Variants in KCNQ1 observed in about 807,000 individuals in gnomAD.
KCNQ1 encodes potassium voltage-gated channel subfamily Q member 1.
KCNQ1 carries 49 observed loss-of-function variants against 72.4 expected under a neutral mutation model. The observed-to-expected ratio is 0.68, with a 90% CI of 0.54 to 0.86. KCNQ1 has a LOEUF of 0.86. Among genes scored for constraint, KCNQ1 ranks in the 40% least tolerant of loss-of-function variants. The pLI, the probability that KCNQ1 is intolerant of heterozygous loss-of-function variation, is 0.00. For missense variants in KCNQ1, 790 were observed against 945.1 expected (o/e 0.84, Z 2.15); for synonymous variants, 450 against 412.6 (o/e 1.09, Z -1.10).
chr11:2,701,011 G>A (rs527292963), intron 11 of KCNQ1, among the ~76,000 whole-genome samples: 7 of 152,354 alleles, frequency 4.6e-5, no homozygotes, highest in South Asian at 2.1e-4. Context: ...TGGAATGCAG[G>A]ACTCTGGGTA....
rs1188319126 is a variant in KCNQ1 at position 2,493,233 on chromosome 11, T to G, written c.387-34695T>G. ...TTTTTTCTTGTAAATTTAAGTTCCT[T>G]GTAGATTTTGGATATTAGACCTTGT... On this transcript the variant is annotated intron_variant, in intron 1 of 15. Transcript: ENST00000155840. The surrounding 1 kb of genome is among the most constrained non-coding windows in gnomAD (Gnocchi z 5.3). Among the ~76,000 whole-genome samples, 5 of 152,228 alleles carry G rather than the reference T, an allele frequency of 3.3e-5. No homozygotes were observed. Among genetic ancestry groups the G allele is most frequent in the Non-Finnish European group, 7.3e-5 (5 of 68,044 alleles).
chr11:2,566,798 C>T lies in KCNQ1; in HGVS notation c.478-3830C>T, dbSNP rs1457584032. 5.3e-5 allele frequency among the ~76,000 whole-genome samples: 8 copies of T among 152,112 alleles called. No homozygotes were observed. In the South Asian group the frequency reaches 1.2e-3, roughly 24 times the overall value. ...GGCACCACATAGATCTTGTGAGAGG[C>T]GCTTTGTGGGGCTGGATGATCCTGG... On this transcript the variant is annotated intron_variant, in intron 2 of 15. Coordinates refer to ENST00000155840, the MANE Select transcript of KCNQ1 (RefSeq NM_000218.3). The surrounding 1 kb of genome is among the most constrained non-coding windows in gnomAD (Gnocchi z 6.7).
At chr11:2,774,262 G>A (rs1846653342) in intron 12 of KCNQ1, among the ~76,000 whole-genome samples, 2 of 152,344 alleles carry the variant, frequency 1.3e-5, no homozygotes, top group South Asian at 4.1e-4. Context: ...TTACGGGCCA[G>A]AGGGTCTGCC....
In KCNQ1 at chr11:2,450,276, G is replaced by A. The variant is rs184108966; in HGVS notation, c.386+4792G>A. Among the ~76,000 whole-genome samples, 10 of 152,352 alleles carry A rather than the reference G, an allele frequency of 6.6e-5. No individual in the cohort carries two copies. In the East Asian group the frequency reaches 1.5e-3, roughly 23 times the overall value. On this transcript the variant is annotated intron_variant, in intron 1 of 15. Coordinates refer to ENST00000155840, the MANE Select transcript of KCNQ1 (RefSeq NM_000218.3). This position sits in a 1 kb window ranked among gnomAD's most constrained non-coding sequence, Gnocchi z 7.9. ...GCGGTGATGCCAGGAGAACATTCCA[G>A]GCCCAGGAAGAGCTGAGAGACAGCA...
At chr11:2,681,756 G>A (rs2133881581) in intron 11 of KCNQ1, 1 of 398,456 alleles carries the variant, frequency 2.5e-6, no homozygotes, top group African/African-American at 2.1e-5. Context: ...CCAGGGCACT[G>A]TGGGGGCCCT....
At chr11:2,582,015 G>A (rs1480580538) in intron 6 of KCNQ1, among the ~76,000 whole-genome samples, 1 of 152,226 alleles carries the variant, frequency 6.6e-6, no homozygotes, top group African/African-American at 2.4e-5. Context: ...GGGCACTAGT[G>A]GGGCAGGGGC....
chr11:2,471,573 TGTGTGCACGTGTGTATGGGTGC>T lies in KCNQ1; in HGVS notation c.386+26098_386+26119del, dbSNP rs1427960737. Reference sequence around the variant, plus strand: ...CCTCACAGGCACATGTGTATGTGTGTGTGTGCACGTGTGTATGGGTGCGTGTGCACCTGTGTATATGGGTGTG... The same window carrying T: ...CCTCACAGGCACATGTGTATGTGTGTGTGTGCACCTGTGTATATGGGTGTG... On this transcript the variant is annotated intron_variant, in intron 1 of 15. Coordinates refer to ENST00000155840, the MANE Select transcript of KCNQ1 (RefSeq NM_000218.3). This position sits in a 1 kb window ranked among gnomAD's most constrained non-coding sequence, Gnocchi z 4.8. Among the ~76,000 whole-genome samples, 6 of 151,616 alleles carry T rather than the reference TGTGTGCACGTGTGTATGGGTGC, an allele frequency of 4.0e-5. No individual in the cohort carries two copies. The highest frequency in any genetic ancestry group is 3.0e-5 in the Non-Finnish European group (2 of 67,740).
rs550377089 is a variant in KCNQ1, at chr11:2,782,349, A to C, written c.1794+4312A>C. Among the ~76,000 whole-genome samples, 1 of 152,312 alleles carries C rather than the reference A, an allele frequency of 6.6e-6. No individual in the cohort carries two copies. Among genetic ancestry groups the C allele is most frequent in the South Asian group, 2.1e-4 (1 of 4,830 alleles). On this transcript the variant is annotated intron_variant, in intron 15 of 15. Transcript: ENST00000155840. The surrounding 1 kb of genome is among the most constrained non-coding windows in gnomAD (Gnocchi z 6.1). ...GCTGAAATCTCACTTACTAATATTT[A>C]ATATATCAGAATTTTTGTGCCAGTA...
In KCNQ1 at chr11:2,643,437, C is replaced by T. The variant is rs149117906; in HGVS notation, c.1394-18524C>T. ...CTTCGTCTCTTTTTAGTGTTTTTAGCTTAACCTTTGTTTTATCTGATGAAA... is the reference window on the plus strand; with the variant it reads ...CTTCGTCTCTTTTTAGTGTTTTTAGTTTAACCTTTGTTTTATCTGATGAAA... On this transcript the variant is annotated intron_variant, in intron 10 of 15. Coordinates refer to ENST00000155840, the MANE Select transcript of KCNQ1 (RefSeq NM_000218.3). 8.5e-3 allele frequency: 3,374 copies of T among 398,308 alleles called. 32 individuals are homozygous for T. Among genetic ancestry groups the T allele is most frequent in the Non-Finnish European group, 0.012 (2,686 of 225,906 alleles). The allele number at this position is 398,308 out of a possible 1,614,324, so 24.7% of individuals were successfully genotyped here. A position where few individuals can be genotyped will look rare whatever the true frequency, so the allele number is the denominator to read the frequency against.
At chr11:2,587,493 G>A (rs915646669) in intron 8 of KCNQ1, 77 bp from the exon 9 acceptor site, 12 of 1,594,592 alleles carry the variant, frequency 7.5e-6, no homozygotes, top group African/African-American at 6.7e-5. Flanking sequence ...GGAACAGGGA[G>A]GGGGAGCTGT....
chr11:2,533,676 G>A lies in KCNQ1; in HGVS notation c.477+5658G>A, dbSNP rs141795351. On this transcript the variant is annotated intron_variant, in intron 2 of 15. Coordinates refer to ENST00000155840, the MANE Select transcript of KCNQ1 (RefSeq NM_000218.3). ...TGCTTTGCGTGTTCTTGCCTGGGAA[G>A]GAGTTCCCGGTTTGGGTGGCTCTCC... 8.5e-5 allele frequency among the ~76,000 whole-genome samples: 13 copies of A among 152,346 alleles called. No individual in the cohort carries two copies. The East Asian group carries it at 2.5e-3, about 29-fold the overall frequency.
At position 2,484,991 on chromosome 11, in the gene KCNQ1, G is replaced by A. The variant is rs931516829; in HGVS notation, c.386+39507G>A. Among the ~76,000 whole-genome samples, 8 of 152,082 alleles carry A rather than the reference G, an allele frequency of 5.3e-5. No homozygotes were observed. In the South Asian group the frequency reaches 6.2e-4, roughly 12 times the overall value. On this transcript the variant is annotated intron_variant, in intron 1 of 15. Transcript: ENST00000155840. This position sits in a 1 kb window ranked among gnomAD's most constrained non-coding sequence, Gnocchi z 5.2. ...GAACTGGCTCCATACTTGCTGATGC[G>A]TGCCCCCATGAGAAGTGACTGACCA...
At position 2,753,046 on chromosome 11, in the gene KCNQ1, T is replaced by C. The variant is rs945872792; in HGVS notation, c.1515-15798T>C. 2.6e-5 allele frequency among the ~76,000 whole-genome samples: 4 copies of C among 152,244 alleles called. No homozygotes were observed. In the East Asian group the frequency reaches 7.8e-4, roughly 30 times the overall value. ...TAAGAACCACACATGCTTAGTGTCA[T>C]GTGTGATGCATCAACCCAGGGGGAG... On this transcript the variant is annotated intron_variant, in intron 11 of 15. Transcript: ENST00000155840.
chr11:2,549,540 C>T lies in KCNQ1; in HGVS notation c.478-21088C>T, dbSNP rs922797236. ...GGGAGTGGAGTGTCACCGGGTGTCC[C>T]GGCGTGGGCAGGTCCTGTTGTGGAG... On this transcript the variant is annotated intron_variant, in intron 2 of 15. Transcript: ENST00000155840. This position sits in a 1 kb window ranked among gnomAD's most constrained non-coding sequence, Gnocchi z 6.2. Among the ~76,000 whole-genome samples, 1 of 150,584 alleles carries T rather than the reference C, an allele frequency of 6.6e-6. No individual in the cohort carries two copies. The highest frequency in any genetic ancestry group is 1.5e-5 in the Non-Finnish European group (1 of 67,812).
At chr11:2,644,867 G>C (rs1359401842) in intron 10 of KCNQ1, 1 of 398,654 alleles carries the variant, frequency 2.5e-6, no homozygotes, top group African/African-American at 2.1e-5. Flanking sequence ...GCAGTTGTTG[G>C]TGGAGGCTGT....
At chr11:2,675,981 C>T (rs1217312037) in intron 11 of KCNQ1, 2 of 398,536 alleles carry the variant, frequency 5.0e-6, no homozygotes, top group East Asian at 7.1e-5. Flanking sequence ...AAATAACACT[C>T]TCCCCACCCA....
chr11:2,643,783 G>T (rs1448408239), intron 10 of KCNQ1: 1 of 398,420 alleles, frequency 2.5e-6, no homozygotes, highest in African/African-American at 2.1e-5. Flanking sequence ...CCAGTGTAGT[G>T]GCAATTAATT....
At chr11:2,648,667 A>T in intron 10 of KCNQ1, 1 of 398,544 alleles carries the variant, frequency 2.5e-6, no homozygotes, top group Non-Finnish European at 4.4e-6. Flanking sequence ...TTAAAAATTT[A>T]TTGAGACCCG....
chr11:2,818,096 A>G lies in KCNQ1; in HGVS notation c.1795-29671A>G, dbSNP rs774640376. Among the ~76,000 whole-genome samples the G allele has an allele frequency of 1.4e-4, 21 of 152,170 alleles. No homozygotes were observed. Among genetic ancestry groups the G allele is most frequent in the Non-Finnish European group, 2.1e-4 (14 of 68,030 alleles). On this transcript the variant is annotated intron_variant, in intron 15 of 15. Coordinates refer to ENST00000155840, the MANE Select transcript of KCNQ1 (RefSeq NM_000218.3). The surrounding 1 kb of genome is among the most constrained non-coding windows in gnomAD (Gnocchi z 7.2). ...TTGTCTGAAAAACACATGGCCAGCCACCCTGCACCCTGAGTTCCACAACAT... is the reference window on the plus strand; with the variant it reads ...TTGTCTGAAAAACACATGGCCAGCCGCCCTGCACCCTGAGTTCCACAACAT...
Sources: allele counts gnomAD v4.1 joint callset (sites outside exome capture counted in the v4.1 genomes callset), GRCh38; gene constraint gnomAD v4.1.1; non-coding constraint Gnocchi (gnomAD v3.1); transcripts MANE v1.5; gene names NCBI Gene and HGNC (gene_info 2026-07-23, HGNC 2026-07-21).